The following DDX4 variants were observed in gnomAD, a reference collection of about 807,000 sequenced individuals.
DDX4 encodes probable ATP-dependent RNA helicase DDX4.
A neutral mutation model predicts 100.0 loss-of-function variants in DDX4; 25 were observed. The ratio of observed to expected loss-of-function variants is 0.25; its 90% CI spans 0.18 to 0.35. The LOEUF is 0.35. Ranked by LOEUF, DDX4 falls within the 10% of genes least tolerant of loss-of-function variation. The pLI is 1.00. For missense variants in DDX4, 635 were observed against 882.4 expected (o/e 0.72, Z 3.55); for synonymous variants, 259 against 275.7 (o/e 0.94, Z 0.60).
At chr5:55,786,703 G>T (rs1190635084) in intron 14 of DDX4, 33 bp downstream of exon 14, 1 of 1,586,028 alleles carries the variant, frequency 6.3e-7, no homozygotes, top group Non-Finnish European at 8.6e-7. Flanking sequence ...AAACTGTTAG[G>T]TTTTTTGAGC....
intron 15 of DDX4, among the ~76,000 whole-genome samples, chr5:55,789,991 A>C (rs1168164401): frequency 6.6e-6 from 1 of 152,070 alleles, no homozygotes; most frequent in Non-Finnish European, 1.5e-5. Flanking sequence ...ATATCTTGCT[A>C]ATCCTCATGT....
intron 15 of DDX4, among the ~76,000 whole-genome samples, chr5:55,788,416 CAGTGAACTGT>C (rs1208945108): frequency 5.9e-5 from 9 of 152,138 alleles, no homozygotes; most frequent in African/African-American, 2.2e-4. Flanking sequence ...TTTGAGGCTG[CAGTGAACTGT>C]GATTGCACCA....
chr5:55,746,227 T>C lies in DDX4; in HGVS notation c.127+6T>C. On this transcript the variant is annotated splice_donor_region_variant and intron_variant, in intron 3 of 21. Coordinates refer to ENST00000505374, the MANE Select transcript of DDX4 (RefSeq NM_024415.3). ...GACTCCAGCTTCATCATCAGGTATG[T>C]GTTATGGGAAAAAGGTAAAACCCTT... is the stretch of plus-strand genomic sequence containing the variant. 1.2e-6 allele frequency: 2 copies of C among 1,608,938 alleles called. No homozygotes were observed. Among genetic ancestry groups the C allele is most frequent in the South Asian group, 1.1e-5 (1 of 89,590 alleles).
chr5:55,792,836 A>ATT (rs1742664048), intron 17 of DDX4, 29 bp downstream of exon 17: 1 of 1,209,144 alleles, frequency 8.3e-7, no homozygotes, highest in African/African-American at 1.6e-5. Flanking sequence ...AAATAATTTA[A>ATT]TTATATATAT....
intron 18 of DDX4, among the ~76,000 whole-genome samples, chr5:55,809,817 G>A (rs1580610865): frequency 6.6e-6 from 1 of 152,202 alleles, no homozygotes; most frequent in Non-Finnish European, 1.5e-5. Context: ...TTCAAGTTAG[G>A]AAAGAGGTAA....
chr5:55,741,024 C>T (rs3804268), intron 2 of DDX4, among the ~76,000 whole-genome samples: 1 of 152,040 alleles, frequency 6.6e-6, no homozygotes, highest in Non-Finnish European at 1.5e-5. Flanking sequence ...CTTTTTCCTC[C>T]TTGTTCTCAA....
chr5:55,773,577 T>A (rs1285409928), intron 7 of DDX4, among the ~76,000 whole-genome samples: 1 of 151,314 alleles, frequency 6.6e-6, no homozygotes, highest in Non-Finnish European at 1.5e-5. Context: ...GGTGTTTTTT[T>A]AATTATAGCC....
chr5:55,793,333 A>AAG (rs1189315949), intron 17 of DDX4, among the ~76,000 whole-genome samples: 4 of 151,628 alleles, frequency 2.6e-5, no homozygotes, highest in Middle Eastern at 3.4e-3. Flanking sequence ...TCAAGGAGCC[A>AAG]GAAGTGCCCA....
intron 18 of DDX4, among the ~76,000 whole-genome samples, chr5:55,805,246 A>T (rs1743616841): frequency 6.6e-6 from 1 of 152,116 alleles, no homozygotes; most frequent in African/African-American, 2.4e-5. Context: ...GGTTTTCTAG[A>T]TATACAGTCA....
At chr5:55,805,622 A>G (rs1743646349) in intron 18 of DDX4, among the ~76,000 whole-genome samples, 1 of 152,208 alleles carries the variant, frequency 6.6e-6, no homozygotes, top group Admixed American at 6.5e-5. Flanking sequence ...ATGCTGGATT[A>G]CATTTATTGA....
At chr5:55,809,056 G>A (rs1460513155) in intron 18 of DDX4, among the ~76,000 whole-genome samples, 1 of 152,232 alleles carries the variant, frequency 6.6e-6, no homozygotes, top group African/African-American at 2.4e-5. Context: ...CTTGCAGTTT[G>A]ATCTCAGACT....
intron 3 of DDX4, among the ~76,000 whole-genome samples, chr5:55,758,977 T>G (rs114271273): frequency 2.1e-3 from 314 of 151,432 alleles, no homozygotes; most frequent in Non-Finnish European, 3.1e-3. Context: ...CAGCCTTGAA[T>G]TCCTGGGCTC....
chr5:55,808,456 C>G (rs907549961), intron 18 of DDX4, among the ~76,000 whole-genome samples: 1 of 152,042 alleles, frequency 6.6e-6, no homozygotes, highest in Non-Finnish European at 1.5e-5. Flanking sequence ...TTTTATCTAC[C>G]TTTGGTCTTT....
At chr5:55,757,769 C>T (rs1390452093) in intron 3 of DDX4, among the ~76,000 whole-genome samples, 1 of 152,076 alleles carries the variant, frequency 6.6e-6, no homozygotes, top group Non-Finnish European at 1.5e-5. Flanking sequence ...ACCCACCGGG[C>T]GCGGTGGCTC....
intron 18 of DDX4, among the ~76,000 whole-genome samples, chr5:55,809,122 G>A (rs905270119): frequency 2.6e-5 from 4 of 152,198 alleles, no homozygotes; most frequent in Non-Finnish European, 4.4e-5. Flanking sequence ...AGCCAGGTGT[G>A]GGATATAATC....
At chr5:55,793,751 G>A (rs1391276762) in intron 17 of DDX4, among the ~76,000 whole-genome samples, 1 of 152,208 alleles carries the variant, frequency 6.6e-6, no homozygotes, top group African/African-American at 2.4e-5. Flanking sequence ...GTGTCATGTT[G>A]GATAATGCCC....
intron 17 of DDX4, among the ~76,000 whole-genome samples, chr5:55,793,398 G>A (rs190269153): frequency 6.6e-6 from 1 of 152,056 alleles, no homozygotes; most frequent in Non-Finnish European, 1.5e-5. Flanking sequence ...AAGATTTTAT[G>A]ATTTTTTTAC....
intron 18 of DDX4, among the ~76,000 whole-genome samples, chr5:55,805,595 T>C (rs1346414359): frequency 6.6e-6 from 1 of 152,226 alleles, no homozygotes; most frequent in Non-Finnish European, 1.5e-5. Flanking sequence ...GTGGTTTTTG[T>C]CTTTGGCTCT....
In DDX4 at chr5:55,738,959, C is replaced by T; in HGVS notation, c.-5C>T. 2 of 1,582,600 alleles carry T rather than the reference C, an allele frequency of 1.3e-6. No individual in the cohort carries two copies. Among genetic ancestry groups the T allele is most frequent in the East Asian group, 2.2e-5 (1 of 44,664 alleles). ...TTTTTTTTATGAATAGAACTTGAAG[C>T]CACCATGGGAGATGAAGATTGGGAA... On this transcript the variant is annotated 5_prime_UTR_variant, in exon 2 of 22. Coordinates refer to ENST00000505374, the MANE Select transcript of DDX4 (RefSeq NM_024415.3).
Sources: gnomAD v4.1 joint callset for allele counts (sites outside exome capture counted in the v4.1 genomes callset) on GRCh38, gnomAD v4.1.1 for gene constraint, MANE v1.5 for transcripts, NCBI Gene and HGNC (gene_info 2026-07-23, HGNC 2026-07-21) for gene names.